Variants in NWD2 observed in about 807,000 individuals in gnomAD.
NWD2 encodes NACHT and WD repeat domain containing 2, also known as NACHT and WD repeat domain-containing protein 2.
Under a neutral mutation model 132.7 loss-of-function variants are expected in NWD2, and 37 were observed. The ratio of observed to expected loss-of-function variants is 0.28; its 90% CI spans 0.21 to 0.37. NWD2 has a LOEUF of 0.37. Among genes scored for constraint, NWD2 ranks in the 10% least tolerant of loss-of-function variants. NWD2 has a pLI of 1.00. For synonymous variants in NWD2, 705 were observed against 803.0 expected (o/e 0.88, Z 2.06); for missense variants, 1,592 against 2,122.4 (o/e 0.75, Z 4.91).
intron 2 of NWD2, among the ~76,000 whole-genome samples, chr4:37,348,675 T>TATATACACACACAC (rs1308407988): frequency 1.8e-4 from 4 of 22,570 alleles, no homozygotes; most frequent in African/African-American, 5.4e-4. Flanking sequence ...TATATATATA[T>TATATACACACACAC]ACACACACAC....
intron 1 of NWD2, among the ~76,000 whole-genome samples, chr4:37,283,672 C>T (rs564422264): frequency 1.8e-4 from 27 of 152,192 alleles, no homozygotes; most frequent in African/African-American, 6.0e-4. Context: ...TAATGAGGAT[C>T]ACATAGAAAT....
At chr4:37,421,989 T>C (rs1414072229) in intron 3 of NWD2, among the ~76,000 whole-genome samples, 1 of 152,202 alleles carries the variant, frequency 6.6e-6, no homozygotes, top group African/African-American at 2.4e-5. Flanking sequence ...CTGGTGTCTC[T>C]CTTCCAATAA....
intron 3 of NWD2, among the ~76,000 whole-genome samples, chr4:37,387,477 G>C (rs149956102): frequency 4.6e-5 from 7 of 151,742 alleles, no homozygotes; most frequent in Non-Finnish European, 1.0e-4. Context: ...GTTCATTCCT[G>C]CAATCAACTC....
chr4:37,259,277 TAAAC>T (rs984501047), intron 1 of NWD2, among the ~76,000 whole-genome samples: 1 of 152,216 alleles, frequency 6.6e-6, no homozygotes, highest in Non-Finnish European at 1.5e-5. Flanking sequence ...TCTGCTGAAG[TAAAC>T]ATACAGTGAA....
intron 1 of NWD2, among the ~76,000 whole-genome samples, chr4:37,245,985 C>G (rs1313927489): frequency 6.6e-6 from 1 of 152,204 alleles, no homozygotes; most frequent in African/African-American, 2.4e-5. Flanking sequence ...TGGCTCATCA[C>G]TACCTTCCAG....
rs529194727 is a variant in NWD2 at position 37,349,507 on chromosome 4, C to T, written c.241-6859C>T. Among the ~76,000 whole-genome samples, 5 of 152,254 alleles carry T rather than the reference C, an allele frequency of 3.3e-5. No individual in the cohort carries two copies. In the South Asian group the frequency reaches 1.0e-3, roughly 32 times the overall value. ...TTTTTGAAAAGTGTCTGTTCATATC[C>T]TTTGCCCACTTTTTGATTGGGTTGT... On this transcript the variant is annotated intron_variant, in intron 2 of 6. Transcript: ENST00000309447.
rs1712405143 is a variant in NWD2, at chr4:37,439,004, G to T, written c.910G>T (p.Glu304Ter). The change falls in exon 6 of 7, where the codon GAA (glutamate) becomes TAA (stop). Residue 304 changes from glutamate (E) to a stop codon, truncating the protein, a stop_gained. Coordinates refer to ENST00000309447, the MANE Select transcript of NWD2 (RefSeq NM_001144990.2). LOFTEE classifies it high-confidence loss of function. The surrounding 1 kb of genome is among the most constrained non-coding windows in gnomAD (Gnocchi z 4.5). ...AQEKLIKLRD[E>*]FIPTIVASSN... is the part of the protein sequence containing the mutation. The stretch of plus-strand genomic sequence containing the variant: ...AGAGAAGCTGATAAAACTCAGGGAT[G>T]AATTTATTCCTACTATTGTTGCATC... 2 of 1,551,660 alleles carry T rather than the reference G, an allele frequency of 1.3e-6. No homozygotes were observed. The highest frequency in any genetic ancestry group is 1.7e-6 in the Non-Finnish European group (2 of 1,146,990).
At chr4:37,280,177 A>G (rs1372861833) in intron 1 of NWD2, among the ~76,000 whole-genome samples, 1 of 152,248 alleles carries the variant, frequency 6.6e-6, no homozygotes, top group Non-Finnish European at 1.5e-5. Flanking sequence ...TTCCTATGAC[A>G]TATTTCTGGC....
At chr4:37,387,388 C>A (rs932398995) in intron 3 of NWD2, among the ~76,000 whole-genome samples, 81 of 151,948 alleles carry the variant, frequency 5.3e-4, no homozygotes, top group Admixed American at 2.0e-4. Flanking sequence ...CTTAACCAGC[C>A]ACATTTTAAA....
intron 2 of NWD2, among the ~76,000 whole-genome samples, chr4:37,331,597 A>G (rs1719293268): frequency 2.0e-5 from 3 of 152,206 alleles, no homozygotes; most frequent in Non-Finnish European, 2.9e-5. Context: ...ATCCTGTGTA[A>G]ATGTCATATT....
intron 1 of NWD2, among the ~76,000 whole-genome samples, chr4:37,294,612 T>C (rs1401220820): frequency 6.6e-6 from 1 of 152,208 alleles, no homozygotes; most frequent in African/African-American, 2.4e-5. Flanking sequence ...TCCAGTGAAA[T>C]GGACTATGGT....
intron 3 of NWD2, among the ~76,000 whole-genome samples, chr4:37,393,084 C>T (rs991591663): frequency 2.0e-5 from 3 of 152,112 alleles, no homozygotes; most frequent in East Asian, 1.9e-4. Flanking sequence ...CTCTGATCCA[C>T]GGCGCCTCAG....
chr4:37,400,015 A>T (rs1011726348), intron 3 of NWD2, among the ~76,000 whole-genome samples: 1 of 152,312 alleles, frequency 6.6e-6, no homozygotes, highest in Middle Eastern at 3.4e-3. Context: ...CTAAATCAGT[A>T]AGTAGCAGGT....
intron 2 of NWD2, among the ~76,000 whole-genome samples, chr4:37,330,390 C>G (rs1719267373): frequency 6.6e-6 from 1 of 151,994 alleles, no homozygotes; most frequent in African/African-American, 2.4e-5. Context: ...GGGCCTCCAG[C>G]TACAGAGAAG....
chr4:37,311,004 G>A (rs971549289), intron 1 of NWD2, among the ~76,000 whole-genome samples: 21 of 151,832 alleles, frequency 1.4e-4, no homozygotes, highest in Non-Finnish European at 1.9e-4. Context: ...TTGTGTATAT[G>A]TGCCACATTT....
chr4:37,363,883 G>A (rs1021638489), intron 3 of NWD2, among the ~76,000 whole-genome samples: 1 of 152,086 alleles, frequency 6.6e-6, no homozygotes, highest in South Asian at 2.1e-4. Context: ...CAGCACTTTG[G>A]GAGGCCAAGG....
chr4:37,379,427 G>A lies in NWD2; in HGVS notation c.357+22945G>A, dbSNP rs189147093. On this transcript the variant is annotated intron_variant, in intron 3 of 6. Transcript: ENST00000309447. The stretch of plus-strand genomic sequence containing the variant: ...TTTCCCAGAGCCACACAGTAAGTGG[G>A]GAGCCGGAATTCAAACCCTAATAGC... Among the ~76,000 whole-genome samples the A allele has an allele frequency of 1.5e-3, 235 of 152,218 alleles. 3 individuals carry two copies. Among genetic ancestry groups the A allele is most frequent in the Admixed American group, 0.014 (210 of 15,296 alleles).
Position 37,245,310 on chromosome 4 carries a change from G to A in NWD2, c.151+92G>A, listed in dbSNP as rs1326057593. On this transcript the variant is annotated intron_variant, in intron 1 of 6. Coordinates refer to ENST00000309447, the MANE Select transcript of NWD2 (RefSeq NM_001144990.2). ...GTGTGTCCGCCCCACAGCCCGGTGCGCCCTGCGCTCCCTTCCTCCAGCTAA... is the reference window on the plus strand; with the variant it reads ...GTGTGTCCGCCCCACAGCCCGGTGCACCCTGCGCTCCCTTCCTCCAGCTAA... 4 of 1,357,110 alleles carry A rather than the reference G, an allele frequency of 2.9e-6. No homozygotes were observed. In the South Asian group the frequency reaches 4.6e-5, roughly 16 times the overall value. 84.1% of individuals were successfully genotyped at this position (1,357,110 alleles called of 1,614,324 possible).
chr4:37,304,484 G>A (rs1296309388), intron 1 of NWD2, among the ~76,000 whole-genome samples: 2 of 152,116 alleles, frequency 1.3e-5, no homozygotes, highest in African/African-American at 4.8e-5. Flanking sequence ...TACAAACTCT[G>A]AGACAAGGCA....
Sources: gnomAD v4.1 joint callset for allele counts (sites outside exome capture counted in the v4.1 genomes callset) on GRCh38, gnomAD v4.1.1 for gene constraint, Gnocchi (gnomAD v3.1) non-coding constraint, MANE v1.5 for transcripts, NCBI Gene and HGNC (gene_info 2026-07-23, HGNC 2026-07-21) for gene names.